Variants in PGM5 observed in about 807,000 individuals in gnomAD.
PGM5 encodes phosphoglucomutase 5.
Under a neutral mutation model 59.2 loss-of-function variants are expected in PGM5, and 23 were observed. That is an observed-to-expected ratio of 0.39 (90% CI 0.28 to 0.55). PGM5 has a LOEUF of 0.55. Ranked by LOEUF, PGM5 falls within the 20% of genes least tolerant of loss-of-function variation. The pLI is 0.66. For synonymous variants in PGM5, 214 were observed against 286.0 expected (o/e 0.75, Z 2.54); for missense variants, 574 against 748.3 (o/e 0.77, Z 2.72).
chr9:68,367,390 G>C (rs1452301744), intron 1 of PGM5, among the ~76,000 whole-genome samples: 3 of 152,102 alleles, frequency 2.0e-5, no homozygotes, highest in Non-Finnish European at 4.4e-5. Context: ...GAATGGACTG[G>C]GCCATGTGAG....
intron 6 of PGM5, among the ~76,000 whole-genome samples, chr9:68,445,210 G>GA (rs147056641): frequency 0.023 from 3,459 of 150,538 alleles, 109 homozygotes; most frequent in African/African-American, 0.073. Flanking sequence ...TAGATAGGTG[G>GA]AAAAAAAAAT....
Position 68,377,342 on chromosome 9 carries a change from A to G in PGM5, c.262-857A>G, listed in dbSNP as rs566554074. Reference sequence around the variant, plus strand: ...CATTGGAATCATCTGTGGAGCTTTAAAACTACTAATGCTGGGCTCTCAACC... The same window carrying G: ...CATTGGAATCATCTGTGGAGCTTTAGAACTACTAATGCTGGGCTCTCAACC... On this transcript the variant is annotated intron_variant, in intron 1 of 10. Coordinates refer to ENST00000396396, the MANE Select transcript of PGM5 (RefSeq NM_021965.4). 2.0e-5 allele frequency among the ~76,000 whole-genome samples: 3 copies of G among 152,294 alleles called. No homozygotes were observed. In the South Asian group the frequency reaches 6.2e-4, roughly 32 times the overall value.
chr9:68,370,155 G>A (rs1834757090), intron 1 of PGM5, among the ~76,000 whole-genome samples: 1 of 152,182 alleles, frequency 6.6e-6, no homozygotes, highest in Admixed American at 6.5e-5. Context: ...CTTCCTCTGT[G>A]TAGCATCAGG....
At chr9:68,384,037 G>T (rs1587782537) in intron 2 of PGM5, among the ~76,000 whole-genome samples, 1 of 152,136 alleles carries the variant, frequency 6.6e-6, no homozygotes, top group Non-Finnish European at 1.5e-5. Context: ...CCTCACTTCT[G>T]TCAAATGCAT....
intron 6 of PGM5, among the ~76,000 whole-genome samples, chr9:68,451,894 A>G (rs74604264): frequency 0.05 from 7,617 of 152,308 alleles, 253 homozygotes; most frequent in African/African-American, 0.096. Context: ...CAAACACCCT[A>G]CACTTGAATA....
At chr9:68,508,583 C>A (rs782138522) in intron 10 of PGM5, among the ~76,000 whole-genome samples, 6 of 152,152 alleles carry the variant, frequency 3.9e-5, no homozygotes, top group African/African-American at 7.2e-5. Flanking sequence ...TATTGGTTAA[C>A]CCAGTGATGT....
chr9:68,484,962 A>C (rs1564018464), intron 9 of PGM5, among the ~76,000 whole-genome samples: 1 of 152,172 alleles, frequency 6.6e-6, no homozygotes, highest in Non-Finnish European at 1.5e-5. Flanking sequence ...AATTCAAGAG[A>C]TATAAAATAA....
chr9:68,411,659 C>T (rs2258204), intron 6 of PGM5, among the ~76,000 whole-genome samples: 48 of 152,042 alleles, frequency 3.2e-4, no homozygotes, highest in African/African-American at 8.2e-4. Flanking sequence ...AGATAGTGTA[C>T]GAATAATGAA....
chr9:68,520,028 T>C (rs912892760), intron 10 of PGM5, among the ~76,000 whole-genome samples: 2 of 150,152 alleles, frequency 1.3e-5, no homozygotes, highest in African/African-American at 4.9e-5. Context: ...AAATTGATGA[T>C]GCAGTCAGCC....
chr9:68,522,211 C>A (rs1046055524), intron 10 of PGM5, among the ~76,000 whole-genome samples: 23 of 152,122 alleles, frequency 1.5e-4, no homozygotes, highest in African/African-American at 5.3e-4. Flanking sequence ...GCCATCTGAG[C>A]CTTTTATATC....
At chr9:68,376,158 C>T (rs1368497064) in intron 1 of PGM5, among the ~76,000 whole-genome samples, 6 of 152,086 alleles carry the variant, frequency 3.9e-5, no homozygotes, top group Non-Finnish European at 8.8e-5. Flanking sequence ...TTTAATAGGA[C>T]CATTTGGGCT....
At chr9:68,431,248 C>T (rs960174703) in intron 6 of PGM5, among the ~76,000 whole-genome samples, 4 of 152,196 alleles carry the variant, frequency 2.6e-5, no homozygotes, top group Non-Finnish European at 4.4e-5. Context: ...TCCCACTACT[C>T]GCCAACACTG....
At position 68,357,116 on chromosome 9, in the gene PGM5, C is replaced by G. The variant is rs1185186690; in HGVS notation, c.-12C>G. 2 of 1,506,152 alleles carry G rather than the reference C, an allele frequency of 1.3e-6. No individual in the cohort carries two copies. The highest frequency in any genetic ancestry group is 4.1e-5 in the Admixed American group (2 of 49,056). The allele number at this position is 1,506,152 out of a possible 1,614,324, so 93.3% of individuals were successfully genotyped here. A position where few individuals can be genotyped will look rare whatever the true frequency, so the allele number is the denominator to read the frequency against. ...GCTCCGGGAGCCGCAGCAGGACCGG[C>G]CAGGAGGCGCCATGGAGGGGAGCCC... On this transcript the variant is annotated 5_prime_UTR_variant, in exon 1 of 11. Transcript: ENST00000396396.
intron 6 of PGM5, among the ~76,000 whole-genome samples, chr9:68,440,334 AAAAC>A (rs1444132946): frequency 2.2e-4 from 33 of 152,322 alleles, no homozygotes; most frequent in African/African-American, 6.7e-4. Context: ...CTGGGTCATT[AAAAC>A]AAACAAACTA....
At chr9:68,391,389 T>G (rs1426345886) in intron 4 of PGM5, 145 bp from the exon 5 acceptor site, 7 of 660,190 alleles carry the variant, frequency 1.1e-5, no homozygotes, top group Non-Finnish European at 1.7e-5. Context: ...CAAGCAAATA[T>G]TGTTCTATAT....
chr9:68,394,841 C>G (rs1822458304), intron 6 of PGM5, among the ~76,000 whole-genome samples: 1 of 152,098 alleles, frequency 6.6e-6, no homozygotes, highest in South Asian at 2.1e-4. Context: ...AGGCTGGTAT[C>G]AAATTCCTGG....
rs782002600 is a variant in PGM5, at chr9:68,423,703, C to A, written c.1043+31230C>A. ...TCTCTGCCTCCCTCTTTCTCTCTTT[C>A]TTTTGGGGGCTGAGGCCCTTGAAGA... On this transcript the variant is annotated intron_variant, in intron 6 of 10. Coordinates refer to ENST00000396396, the MANE Select transcript of PGM5 (RefSeq NM_021965.4). Among the ~76,000 whole-genome samples the A allele has an allele frequency of 1.3e-4, 20 of 151,546 alleles. No homozygotes were observed. In the South Asian group the frequency reaches 2.3e-3, roughly 17 times the overall value.
intron 8 of PGM5, among the ~76,000 whole-genome samples, chr9:68,480,280 A>G (rs1369649567): frequency 6.6e-6 from 1 of 152,188 alleles, no homozygotes; most frequent in Non-Finnish European, 1.5e-5. Context: ...TGCTTTCATA[A>G]TCCTCTCTCT....
At position 68,391,531 on chromosome 9, in the gene PGM5, T is replaced by C; in HGVS notation, c.698-3T>C. 1 of 1,613,096 alleles carries C rather than the reference T, an allele frequency of 6.2e-7. No homozygotes were observed. The highest frequency in any genetic ancestry group is 8.5e-7 in the Non-Finnish European group (1 of 1,179,460). ...TTTAATATTGCTGTGTATCTATTTTTAGTTATGGGACCTTATGTGAGAAAA... is the reference window on the plus strand; with the variant it reads ...TTTAATATTGCTGTGTATCTATTTTCAGTTATGGGACCTTATGTGAGAAAA... On this transcript the variant is annotated splice_region_variant and splice_polypyrimidine_tract_variant and intron_variant, in intron 4 of 10. Coordinates refer to ENST00000396396, the MANE Select transcript of PGM5 (RefSeq NM_021965.4).
Sources: allele counts gnomAD v4.1 joint callset (sites outside exome capture counted in the v4.1 genomes callset), GRCh38; gene constraint gnomAD v4.1.1; transcripts MANE v1.5; gene names NCBI Gene and HGNC (gene_info 2026-07-23, HGNC 2026-07-21).